Variants in F8 observed in about 807,000 individuals in gnomAD.
F8 encodes antihemophilic factor.
A neutral mutation model predicts 140.6 loss-of-function variants in F8; 12 were observed. The ratio of observed to expected loss-of-function variants is 0.09; its 90% confidence interval spans 0.05 to 0.14. The LOEUF is 0.14. F8 is among the 10% of genes least tolerant of loss of function. The pLI, the probability that F8 is intolerant of heterozygous loss-of-function variation, is 1.00. For synonymous variants in F8, 585 were observed against 614.6 expected (o/e 0.95, Z 0.71); for missense variants, 1,354 against 1,720.7 (o/e 0.79, Z 3.77).
chrX:154,940,842 G>A lies in F8; in HGVS notation c.2113+6856C>T, dbSNP rs370283618. Among the ~76,000 whole-genome samples the A allele has an allele frequency of 1.5e-3, 173 of 112,318 alleles. 4 individuals are homozygous for A. In the South Asian group the frequency reaches 0.042, roughly 27 times the overall value. On this transcript the variant is annotated intron_variant, in intron 13 of 25. Transcript: ENST00000360256. ...TCGGCAGAAACTCTACAAGCCAGAAGAGAGTGGGGGCCAACATTCAACATT... is the reference window on the plus strand; with the variant it reads ...TCGGCAGAAACTCTACAAGCCAGAAAAGAGTGGGGGCCAACATTCAACATT...
At chrX:154,950,572 A>C (rs1293217497) in intron 12 of F8, among the ~76,000 whole-genome samples, 3 of 112,199 alleles carry the variant, frequency 2.7e-5, no homozygotes, top group Non-Finnish European at 5.6e-5. Context: ...TTGACAGGGA[A>C]AAATAGAATA....
At chrX:155,004,606 C>G (rs782172503) in intron 1 of F8, among the ~76,000 whole-genome samples, 10 of 112,289 alleles carry the variant, frequency 8.9e-5, no homozygotes, top group Non-Finnish European at 1.5e-4. Context: ...TAATGTTCAA[C>G]TTGCCAGTAA....
chrX:154,930,154 T>A lies in F8; in HGVS notation c.3636A>T (p.Lys1212Asn). The A allele has an allele frequency of 8.3e-7, 1 of 1,207,570 alleles. No individual in the cohort carries two copies. Among genetic ancestry groups the A allele is most frequent in the Non-Finnish European group, 1.1e-6 (1 of 893,525 alleles). ...CCTTCTTTTCTATTTCTTCCTGAATTTTTTTTTCTTGATTGTGTGTATTAT... is the reference window on the plus strand; with the variant it reads ...CCTTCTTTTCTATTTCTTCCTGAATATTTTTTTCTTGATTGTGTGTATTAT... ...HENNTHNQEK[K>N]IQEEIEKKET... The change falls in exon 14 of 26, where the codon AAA (lysine) becomes AAT (asparagine). Residue 1212 changes from lysine to asparagine, a missense_variant. This residue lies in a region of F8 where 658 missense variants were observed against 666.5 expected (regional missense o/e 0.99). Transcript: ENST00000360256.
chrX:154,981,987 C>T lies in F8; in HGVS notation c.787+2700G>A, dbSNP rs369558863. On this transcript the variant is annotated intron_variant, in intron 6 of 25. Coordinates refer to ENST00000360256, the MANE Select transcript of F8 (RefSeq NM_000132.4). Reference sequence around the variant, plus strand: ...GATCACGAGGTCAGGAGTTCAAGACCGGCCTGGCAAACATGGTGAAACCCC... The same window carrying T: ...GATCACGAGGTCAGGAGTTCAAGACTGGCCTGGCAAACATGGTGAAACCCC... 8.1e-5 allele frequency among the ~76,000 whole-genome samples: 9 copies of T among 110,839 alleles called. No homozygotes were observed. The South Asian group carries it at 1.9e-3, about 24-fold the overall frequency.
At chrX:154,958,943 C>T (rs1465243824) in intron 10 of F8, among the ~76,000 whole-genome samples, 1 of 111,642 alleles carries the variant, frequency 9.0e-6, no homozygotes, top group Non-Finnish European at 1.9e-5. Context: ...AGTCTGTCTG[C>T]CCATCATGTG....
At chrX:155,016,246 G>C (rs2073733728) in intron 1 of F8, among the ~76,000 whole-genome samples, 1 of 109,531 alleles carries the variant, frequency 9.1e-6, no homozygotes, top group Admixed American at 9.7e-5. Flanking sequence ...AAAAAAAAAA[G>C]TATAGTGAGA....
At chrX:154,853,294 GT>G (rs1410309439) in intron 25 of F8, among the ~76,000 whole-genome samples, 1 of 110,050 alleles carries the variant, frequency 9.1e-6, no homozygotes, top group Admixed American at 9.7e-5. Context: ...ACCTGCAATG[GT>G]TTTTTTCAAC....
intron 11 of F8, 89 bp downstream of exon 11, chrX:154,956,868 C>T (rs2073367323): frequency 1.3e-6 from 1 of 786,034 alleles, no homozygotes; most frequent in East Asian, 3.1e-5. Flanking sequence ...CTTTTACTGA[C>T]CTATATTGCA....
intron 21 of F8, among the ~76,000 whole-genome samples, chrX:154,898,257 C>G (rs956318774): frequency 9.0e-6 from 1 of 110,694 alleles, no homozygotes; most frequent in South Asian, 3.8e-4. Flanking sequence ...CTTGTCAGCA[C>G]CCCCTTTCAA....
Position 154,969,377 on chromosome X carries a change from G to A in F8, c.963C>T (p.Asp321=). The A allele has an allele frequency of 8.3e-7, 1 of 1,211,497 alleles. No homozygotes were observed. Among genetic ancestry groups the A allele is most frequent in the Non-Finnish European group, 1.1e-6 (1 of 895,229 alleles). Residue 321 remains aspartate, a synonymous_variant, in exon 7 of 26, where the codon GAC becomes GAT. Coordinates refer to ENST00000360256, the MANE Select transcript of F8 (RefSeq NM_000132.4). ...GACAAAACAGTAGAAACTGTCCAAG[G>A]TCCATCAAGAGTGTTTGAGCAGTAA... is the stretch of plus-strand genomic sequence containing the variant. ...TFLTAQTLLM[D]LGQFLLFCHI...
At chrX:154,972,223 G>A (rs1465359175) in intron 6 of F8, among the ~76,000 whole-genome samples, 2 of 111,658 alleles carry the variant, frequency 1.8e-5, no homozygotes, top group Non-Finnish European at 3.8e-5. Flanking sequence ...ATTCTAACAG[G>A]GGTAAGTGAT....
chrX:154,876,258 T>C lies in F8; in HGVS notation c.6430-13031A>G, dbSNP rs941095009. Among the ~76,000 whole-genome samples the C allele has an allele frequency of 5.5e-5, 6 of 108,984 alleles. No homozygotes were observed. The East Asian group carries it at 1.7e-3, about 32-fold the overall frequency. 94.6% of individuals were successfully genotyped at this position (108,984 alleles called of 115,157 possible). A position where few individuals can be genotyped will look rare whatever the true frequency, so the allele number is the denominator to read the frequency against. ...CCTCAGCCTCCCGAGTAGCTGGGAC[T>C]ACAGGCGCCCACCACCACACCCAGC... On this transcript the variant is annotated intron_variant, in intron 22 of 25. Transcript: ENST00000360256.
At chrX:154,928,514 T>A in intron 14 of F8, 57 bp downstream of exon 14, 4 of 1,024,273 alleles carry the variant, frequency 3.9e-6, no homozygotes, top group Non-Finnish European at 5.5e-6. Flanking sequence ...GGTGTCATCA[T>A]CTGGTAAAGT....
In F8 at chrX:154,864,356, A is replaced by G. The variant is rs28370244; in HGVS notation, c.6430-1129T>C. On this transcript the variant is annotated intron_variant, in intron 22 of 25. Coordinates refer to ENST00000360256, the MANE Select transcript of F8 (RefSeq NM_000132.4). ...CCATTGTCTGAGTACCCAACTTCAGACCAGAAGAGGTGTCAGCTCACTCCA... is the reference window on the plus strand; with the variant it reads ...CCATTGTCTGAGTACCCAACTTCAGGCCAGAAGAGGTGTCAGCTCACTCCA... Among the ~76,000 whole-genome samples, 575 of 112,402 alleles carry G rather than the reference A, an allele frequency of 5.1e-3. 2 individuals carry two copies. The highest frequency in any genetic ancestry group is 7.6e-3 in the Non-Finnish European group (404 of 53,248).
At chrX:155,010,035 A>C (rs2073698773) in intron 1 of F8, among the ~76,000 whole-genome samples, 1 of 112,084 alleles carries the variant, frequency 8.9e-6, no homozygotes, top group Admixed American at 9.4e-5. Flanking sequence ...ACACCCTCCA[A>C]GTGTGTGATT....
At chrX:155,016,225 C>T (rs2073733441) in intron 1 of F8, among the ~76,000 whole-genome samples, 1 of 108,627 alleles carries the variant, frequency 9.2e-6, no homozygotes, top group Non-Finnish European at 1.9e-5. Flanking sequence ...GGATGAGATT[C>T]CATCTCAAAA....
At chrX:154,906,790 C>T (rs1446664745) in intron 14 of F8, among the ~76,000 whole-genome samples, 6 of 112,130 alleles carry the variant, frequency 5.4e-5, no homozygotes, top group African/African-American at 1.3e-4. Context: ...GCACCTGTAA[C>T]GGTGCTTGGC....
At chrX:154,935,977 AAGTAAC>A in intron 13 of F8, among the ~76,000 whole-genome samples, 1 of 79,036 alleles carries the variant, frequency 1.3e-5, no homozygotes, top group Middle Eastern at 6.3e-3. Context: ...GAGAATGCCA[AAGTAAC>A]ACACACACAC....
intron 5 of F8, among the ~76,000 whole-genome samples, chrX:154,985,463 T>C (rs782513758): frequency 4.5e-5 from 5 of 110,634 alleles, no homozygotes; most frequent in Non-Finnish European, 7.6e-5. Context: ...AAAAAGAAAA[T>C]TGTCCTAGGA....
Sources: gnomAD v4.1 joint callset for allele counts (sites outside exome capture counted in the v4.1 genomes callset) on GRCh38, gnomAD v4.1.1 for gene constraint, gnomAD v4.1.1 regional missense constraint, MANE v1.5 for transcripts, NCBI Gene and HGNC (gene_info 2026-07-23, HGNC 2026-07-21) for gene names.